The following MYBPC1 variants were observed in gnomAD, a reference collection of about 807,000 sequenced individuals.
MYBPC1 encodes the protein myosin binding protein C1, also known as myosin-binding protein C, slow-type.
A neutral mutation model predicts 147.1 loss-of-function variants in MYBPC1; 52 were observed. That is an observed-to-expected ratio of 0.35 (90% CI 0.28 to 0.45). The LOEUF is 0.45. Ranked by LOEUF, MYBPC1 falls within the 20% of genes least tolerant of loss-of-function variation. MYBPC1 has a pLI of 1.00. For missense variants in MYBPC1, 1,228 were observed against 1,440.3 expected, an observed-to-expected ratio of 0.85 and a Z score of 2.39; for synonymous variants, 477 against 475.9, an observed-to-expected ratio of 1.00 and a Z score of -0.03.
chr12:101,667,667 G>T (rs1897738838), intron 22 of MYBPC1, 65 bp from the exon 23 acceptor site: 6 of 1,578,314 alleles, frequency 3.8e-6, no homozygotes, highest in Non-Finnish European at 5.2e-6. Context: ...GACTGTAATG[G>T]TTAAGATGAT....
chr12:101,642,347 T>C, intron 10 of MYBPC1, 72 bp from the exon 11 acceptor site: 1 of 1,522,042 alleles, frequency 6.6e-7, no homozygotes, highest in African/African-American at 1.4e-5. Context: ...AAAAGCAGAA[T>C]TATACCTCGA....
chr12:101,650,343 A>G (rs998444080), intron 15 of MYBPC1, among the ~76,000 whole-genome samples: 3 of 152,220 alleles, frequency 2.0e-5, no homozygotes, highest in Non-Finnish European at 2.9e-5. Context: ...TAATAAAGAC[A>G]TACCCAAGAC....
At chr12:101,602,715 G>T (rs766953948) in intron 1 of MYBPC1, among the ~76,000 whole-genome samples, 1 of 152,048 alleles carries the variant, frequency 6.6e-6, no homozygotes, top group Non-Finnish European at 1.5e-5. Context: ...TATAATACAC[G>T]CCAAGAAAGC....
chr12:101,623,066 T>G (rs1386700615), intron 3 of MYBPC1, among the ~76,000 whole-genome samples: 1 of 152,076 alleles, frequency 6.6e-6, no homozygotes, highest in African/African-American at 2.4e-5. Context: ...CCAGGTGCTG[T>G]GCCTCCTCAT....
intron 15 of MYBPC1, among the ~76,000 whole-genome samples, chr12:101,649,707 C>T (rs1429447436): frequency 6.6e-6 from 1 of 152,124 alleles, no homozygotes; most frequent in Non-Finnish European, 1.5e-5. Context: ...GGGATAAATA[C>T]TTAGATACGA....
chr12:101,688,690 G>C (rs1951381283), downstream of MYBPC1, among the ~76,000 whole-genome samples: 1 of 140,528 alleles, frequency 7.1e-6, no homozygotes, highest in Admixed American at 6.9e-5. Context: ...GCTGGGTGTG[G>C]TGGCTGACGT....
At chr12:101,604,818 T>C (rs900991689) in intron 1 of MYBPC1, among the ~76,000 whole-genome samples, 1 of 152,186 alleles carries the variant, frequency 6.6e-6, no homozygotes, top group African/African-American at 2.4e-5. Context: ...CATATGAAAC[T>C]GTTCCCCTCA....
At chr12:101,646,967 C>A (rs1893292147) in intron 13 of MYBPC1, 80 bp downstream of exon 13, 5 of 1,553,064 alleles carry the variant, frequency 3.2e-6, no homozygotes, top group Non-Finnish European at 4.4e-6. Context: ...GTGAAAGTAA[C>A]TGAGGCTCCT....
intron 1 of MYBPC1, among the ~76,000 whole-genome samples, 150 bp from the exon 2 acceptor site, chr12:101,614,343 AGAG>A (rs1885288405): frequency 6.6e-6 from 1 of 152,044 alleles, no homozygotes; most frequent in Non-Finnish European, 1.5e-5. Context: ...AGAGAGAGAG[AGAG>A]AAGAGAGAAT....
intron 3 of MYBPC1, among the ~76,000 whole-genome samples, chr12:101,617,860 C>G (rs1886492874): frequency 6.6e-6 from 1 of 152,080 alleles, no homozygotes; most frequent in Non-Finnish European, 1.5e-5. Context: ...ACTTCTGTTA[C>G]TCCATGAAAT....
chr12:101,630,727 G>C (rs1202837217), intron 6 of MYBPC1, among the ~76,000 whole-genome samples: 1 of 152,184 alleles, frequency 6.6e-6, no homozygotes, highest in African/African-American at 2.4e-5. Context: ...TAGTCTGAGA[G>C]GAGCAGAGAA....
intron 30 of MYBPC1, 134 bp downstream of exon 30, chr12:101,682,796 G>C: frequency 1.7e-5 from 14 of 818,644 alleles, no homozygotes; most frequent in Non-Finnish European, 2.6e-5. Context: ...ATGGCATACA[G>C]TGCTTATGCC....
chr12:101,641,654 C>T (rs825060), intron 10 of MYBPC1, among the ~76,000 whole-genome samples: 30,083 of 152,004 alleles, frequency 0.2, 3,062 homozygotes, highest in Middle Eastern at 0.27. Flanking sequence ...ATTTTTATAA[C>T]TCATACCCAA....
intron 3 of MYBPC1, among the ~76,000 whole-genome samples, chr12:101,618,016 A>G (rs1886527239): frequency 6.6e-6 from 1 of 152,194 alleles, no homozygotes; most frequent in Non-Finnish European, 1.5e-5. Context: ...TGTCATTTTA[A>G]AAGTGAACCT....
At chr12:101,669,944 A>AAAG (rs1898239877) in intron 23 of MYBPC1, 2 of 351,278 alleles carry the variant, frequency 5.7e-6, no homozygotes, top group Admixed American at 8.7e-5. Context: ...AAAAAAGAAA[A>AAAG]AAAAAAAGAA....
intron 12 of MYBPC1, 138 bp from the exon 13 acceptor site, chr12:101,646,625 C>T: frequency 1.0e-6 from 1 of 979,986 alleles, no homozygotes; most frequent in Non-Finnish European, 1.6e-6. Context: ...TGCAACAGAG[C>T]AAGACCCTGT....
At chr12:101,664,029 A>G (rs992985849) in intron 22 of MYBPC1, among the ~76,000 whole-genome samples, 1 of 152,240 alleles carries the variant, frequency 6.6e-6, no homozygotes, top group African/African-American at 2.4e-5. Context: ...TCTAAAAATA[A>G]GATGAATTAA....
intron 3 of MYBPC1, among the ~76,000 whole-genome samples, chr12:101,623,442 A>C (rs1887894489): frequency 6.6e-6 from 1 of 152,224 alleles, no homozygotes; most frequent in Admixed American, 6.5e-5. Context: ...ATGATGTATC[A>C]ATCAATTTTT....
downstream of MYBPC1, among the ~76,000 whole-genome samples, chr12:101,689,900 C>A (rs1340091265): frequency 6.6e-6 from 1 of 152,106 alleles, no homozygotes; most frequent in African/African-American, 2.4e-5. Flanking sequence ...CTCTGCCGGG[C>A]GCGGTGGCTC....
Sources: gnomAD v4.1 joint callset for allele counts (sites outside exome capture counted in the v4.1 genomes callset) on GRCh38, gnomAD v4.1.1 for gene constraint, MANE v1.5 for transcripts, NCBI Gene and HGNC (gene_info 2026-07-23, HGNC 2026-07-21) for gene names.